The following PAGE3 variants were observed in gnomAD, a reference collection of about 807,000 sequenced individuals.
PAGE3 encodes PAGE family member 3, also known as P antigen family member 3.
A neutral mutation model predicts 3.8 loss-of-function variants in PAGE3; 9 were observed. The observed-to-expected ratio is 2.36, with a 90% CI of 1.42 to 4.12. PAGE3 has a LOEUF of 4.12. PAGE3 is among the 30% of genes most tolerant of loss of function. PAGE3 has a pLI of 0.00. For missense variants in PAGE3, 73 were observed against 37.8 expected, an observed-to-expected ratio of 1.93 and a Z score of -2.44; for synonymous variants, 24 against 13.1, an observed-to-expected ratio of 1.83 and a Z score of -1.79.
intron 4 of PAGE3, among the ~76,000 whole-genome samples, 188 bp downstream of exon 4, chrX:55,260,346 A>G (rs1938266191): frequency 1.8e-5 from 2 of 111,931 alleles, no homozygotes; most frequent in Admixed American, 1.9e-4. Context: ...CTTTGACCCA[A>G]TGTGGTAGGA....
chrX:55,259,639 T>C (rs926684575), intron 4 of PAGE3, among the ~76,000 whole-genome samples: 11 of 111,168 alleles, frequency 9.9e-5, no homozygotes, highest in African/African-American at 1.9e-4. Context: ...CCTCTATTCA[T>C]AGATATGTTG....
intron 3 of PAGE3, among the ~76,000 whole-genome samples, chrX:55,261,665 A>G (rs1176430329): frequency 2.7e-5 from 3 of 110,943 alleles, no homozygotes; most frequent in Non-Finnish European, 3.8e-5. Flanking sequence ...GACTTCATGT[A>G]TTTGTTTTCC....
In PAGE3 at chrX:55,260,653, C is replaced by A. The variant is rs752769657; in HGVS notation, c.200G>T (p.Gly67Val). ...DEGALDFQVLGLAAYLWELTR... is the reference protein window; with the variant it reads ...DEGALDFQVLVLAAYLWELTR... The stretch of plus-strand genomic sequence containing the variant: ...CAGTTCCCAGAGATAGGCTGCCAGG[C>A]CTAGCACTTAAAAATAAAAAACATT... The change falls in exon 4 of 5, where the codon GGC becomes GTC. Residue 67 changes from glycine (G) to valine (V), a missense_variant. By Grantham distance (109) the Gly-to-Val change is moderately radical (BLOSUM62 -3). Coordinates refer to ENST00000374951, the MANE Select transcript of PAGE3 (RefSeq NM_001017931.3). 1 of 533,670 alleles carries A rather than the reference C, an allele frequency of 1.9e-6. No homozygotes were observed. Among genetic ancestry groups the A allele is most frequent in the Non-Finnish European group, 3.4e-6 (1 of 295,003 alleles). 44.0% of individuals were successfully genotyped at this position (533,670 alleles called of 1,213,427 possible).
chrX:55,260,316 C>A (rs1011759892), intron 4 of PAGE3, among the ~76,000 whole-genome samples: 3 of 111,641 alleles, frequency 2.7e-5, no homozygotes, highest in Non-Finnish European at 3.8e-5. Context: ...AATACCTTCA[C>A]ATTTTATAAT....
rs1189366198 is a variant in PAGE3 at position 55,264,724 on chromosome X, T to C, written c.-187A>G. 7 of 111,610 alleles carry C rather than the reference T, an allele frequency of 6.3e-5. No homozygotes were observed. Among genetic ancestry groups the C allele is most frequent in the African/African-American group, 9.8e-5 (3 of 30,710 alleles). The allele number at this position is 111,610 out of a possible 1,213,427, so 9.2% of individuals were successfully genotyped here. A position where few individuals can be genotyped will look rare whatever the true frequency, so the allele number is the denominator to read the frequency against. ...CTCTCAGAAGCCACGGACTGTGGTTTCTGTGCCGCAGGACCTGTCCAAAGC... is the reference window on the plus strand; with the variant it reads ...CTCTCAGAAGCCACGGACTGTGGTTCCTGTGCCGCAGGACCTGTCCAAAGC... On this transcript the variant is annotated 5_prime_UTR_variant, in exon 1 of 5. Coordinates refer to ENST00000374951, the MANE Select transcript of PAGE3 (RefSeq NM_001017931.3).
Position 55,263,857 on chromosome X carries a change from T to A in PAGE3, c.47A>T (p.Asp16Val), listed in dbSNP as rs918286227. The change falls in exon 2 of 5, where the codon GAT becomes GTT. Residue 16 changes from aspartate (D) to valine (V), a missense_variant. Physicochemically the swap from Asp to Val is radical, Grantham distance 152. Transcript: ENST00000374951. ...RTRSRSRERR[D>V]DQDSNHPVGA... ...TACTGGATGATTAGAGTCTTGATCA[T>A]CTCTTCTTTCTCTAGATCTGGATCT... The A allele has an allele frequency of 3.7e-5, 21 of 567,639 alleles. No individual in the cohort carries two copies. In the African/African-American group the frequency reaches 4.5e-4, roughly 12 times the overall value. 46.8% of individuals were successfully genotyped at this position (567,639 alleles called of 1,213,427 possible).
intron 1 of PAGE3, among the ~76,000 whole-genome samples, chrX:55,264,313 C>T (rs1388683257): frequency 9.0e-6 from 1 of 110,925 alleles, no homozygotes; most frequent in Non-Finnish European, 1.9e-5. Context: ...CCCATTCCTG[C>T]CCGAGATGTC....
intron 3 of PAGE3, among the ~76,000 whole-genome samples, chrX:55,261,277 C>G (rs1379344586): frequency 9.0e-6 from 1 of 111,109 alleles, no homozygotes; most frequent in Non-Finnish European, 1.9e-5. Flanking sequence ...ATTAGGACAA[C>G]TGGGGAAATT....
chrX:55,263,582 A>G (rs2146570062), intron 2 of PAGE3, among the ~76,000 whole-genome samples: 1 of 111,738 alleles, frequency 8.9e-6, no homozygotes, highest in Admixed American at 9.6e-5. Context: ...ATTGATGTAT[A>G]CAATGTGTTA....
rs1033221548 is a variant in PAGE3, at chrX:55,264,663, C to T, written c.-126G>A. 2 of 112,102 alleles carry T rather than the reference C, an allele frequency of 1.8e-5. No individual in the cohort carries two copies. The highest frequency in any genetic ancestry group is 3.8e-5 in the Non-Finnish European group (2 of 53,224). The allele number at this position is 112,102 out of a possible 1,213,427, so 9.2% of individuals were successfully genotyped here. ...ACAAAGGCCCATGGGGCGTCGCGAC[C>T]TGGGAGGAGCCGGACGTCGACGGCG... is the stretch of plus-strand genomic sequence containing the variant. On this transcript the variant is annotated 5_prime_UTR_variant, in exon 1 of 5. Transcript: ENST00000374951.
At chrX:55,259,179 G>A (rs1170339905) in intron 4 of PAGE3, among the ~76,000 whole-genome samples, 1 of 110,915 alleles carries the variant, frequency 9.0e-6, no homozygotes, top group African/African-American at 3.3e-5. Flanking sequence ...CTGGTTGCAA[G>A]CCATTATTAT....
chrX:55,261,524 A>T (rs986148185), intron 3 of PAGE3, among the ~76,000 whole-genome samples: 13 of 111,952 alleles, frequency 1.2e-4, no homozygotes, highest in African/African-American at 4.2e-4. Context: ...ATTAAAAATA[A>T]AAAAGAATAA....
chrX:55,260,734 C>T lies in PAGE3; in HGVS notation c.194-75G>A, dbSNP rs146198179. 1,203 of 412,012 alleles carry T rather than the reference C, an allele frequency of 2.9e-3. 4 individuals are homozygous for T. Among genetic ancestry groups the T allele is most frequent in the Non-Finnish European group, 4.1e-3 (951 of 231,704 alleles). The allele number at this position is 412,012 out of a possible 1,213,427, so 34.0% of individuals were successfully genotyped here. ...AATAAAAGAATGATAATATTCACTC[C>T]CTCAATGTTATGAAATAAAAGCCTA... On this transcript the variant is annotated intron_variant, in intron 3 of 4. Coordinates refer to ENST00000374951, the MANE Select transcript of PAGE3 (RefSeq NM_001017931.3).
At chrX:55,262,531 T>C (rs1324252875) in intron 3 of PAGE3, among the ~76,000 whole-genome samples, 1 of 109,949 alleles carries the variant, frequency 9.1e-6, no homozygotes, top group East Asian at 2.8e-4. Flanking sequence ...TCACTTTTTC[T>C]TACAGCAATC....
intron 3 of PAGE3, among the ~76,000 whole-genome samples, chrX:55,262,892 C>T (rs1403644006): frequency 9.3e-6 from 1 of 107,595 alleles, no homozygotes; most frequent in Admixed American, 1.0e-4. Context: ...TCTACGCATG[C>T]TATTAAAAGT....
At chrX:55,259,561 G>A (rs1262304804) in intron 4 of PAGE3, among the ~76,000 whole-genome samples, 3 of 110,532 alleles carry the variant, frequency 2.7e-5, no homozygotes, top group Non-Finnish European at 5.7e-5. Context: ...GTCCTGTCTT[G>A]TTCCTATTTT....
rs746650760 is a variant in PAGE3 at position 55,262,886 on chromosome X, C to T, written c.193+365G>A. ...ATATGTATAATGCCTTAGCACTCTA[C>T]GCATGCTATTAAAAGTTGCTTAAAC... On this transcript the variant is annotated intron_variant, in intron 3 of 4. Transcript: ENST00000374951. Among the ~76,000 whole-genome samples the T allele has an allele frequency of 1.9e-4, 20 of 107,336 alleles. No homozygotes were observed. In the South Asian group the frequency reaches 2.0e-3, roughly 11 times the overall value. 93.2% of individuals were successfully genotyped at this position (107,336 alleles called of 115,157 possible).
chrX:55,263,873 A>C lies in PAGE3; in HGVS notation c.31T>G (p.Ser11Ala), dbSNP rs371522940. ...TCTTGATCATCTCTTCTTTCTCTAG[A>C]TCTGGATCTTGTTCTTTGATGTCCA... MSGHQRTRSR[S>A]RERRDDQDSN... Residue 11 changes from serine (S) to alanine (A), a missense_variant, in exon 2 of 5, where the codon TCT (serine) becomes GCT (alanine). Coordinates refer to ENST00000374951, the MANE Select transcript of PAGE3 (RefSeq NM_001017931.3). 4 of 567,273 alleles carry C rather than the reference A, an allele frequency of 7.1e-6. No individual in the cohort carries two copies. The African/African-American group carries it at 9.0e-5, about 13-fold the overall frequency. The allele number at this position is 567,273 out of a possible 1,213,427, so 46.7% of individuals were successfully genotyped here.
At chrX:55,262,826 A>G (rs1164532676) in intron 3 of PAGE3, among the ~76,000 whole-genome samples, 1 of 105,862 alleles carries the variant, frequency 9.4e-6, no homozygotes, top group African/African-American at 3.4e-5. Context: ...TGAGATATAT[A>G]TACATATATA....
Sources: gnomAD v4.1 joint callset for allele counts (sites outside exome capture counted in the v4.1 genomes callset) on GRCh38, gnomAD v4.1.1 for gene constraint, MANE v1.5 for transcripts, NCBI Gene and HGNC (gene_info 2026-07-23, HGNC 2026-07-21) for gene names.